Variants in B3GALT1 observed in about 807,000 individuals in gnomAD.
The protein encoded by B3GALT1 is UDP-Gal:betaGlcNAc beta 1,3-galactosyltransferase, polypeptide 1.
In B3GALT1, 10 loss-of-function variants were observed where a neutral mutation model predicts 23.2. The observed-to-expected ratio is 0.43, with a 90% CI of 0.27 to 0.73. The LOEUF (loss-of-function observed/expected upper bound fraction) is 0.73, where lower values mean the gene tolerates loss of function less well. B3GALT1 is among the 30% of genes least tolerant of loss of function. The pLI, the probability that B3GALT1 is intolerant of heterozygous loss-of-function variation, is 0.21. For synonymous variants in B3GALT1, 156 were observed against 141.5 expected (o/e 1.10, Z -0.73); for missense variants, 299 against 405.4 (o/e 0.74, Z 2.25).
At chr2:167,524,633 A>G (rs1300992127) in intron 2 of B3GALT1, among the ~76,000 whole-genome samples, 3 of 152,244 alleles carry the variant, frequency 2.0e-5, no homozygotes, top group African/African-American at 7.2e-5. Flanking sequence ...TGAACAATCT[A>G]CAAAATTCAC....
chr2:167,435,818 G>A (rs1360868346), intron 1 of B3GALT1, among the ~76,000 whole-genome samples: 1 of 152,040 alleles, frequency 6.6e-6, no homozygotes, highest in Non-Finnish European at 1.5e-5. Context: ...TGACATCCTT[G>A]TAAGTGATTC....
At chr2:167,629,068 T>C (rs1417017946) in intron 2 of B3GALT1, among the ~76,000 whole-genome samples, 1 of 151,652 alleles carries the variant, frequency 6.6e-6, no homozygotes, top group Non-Finnish European at 1.5e-5. Context: ...CTCTGAGTTA[T>C]ATTGTATAGC....
intron 3 of B3GALT1, among the ~76,000 whole-genome samples, chr2:167,710,628 A>C (rs1441737704): frequency 6.6e-6 from 1 of 152,216 alleles, no homozygotes. Context: ...ATCTACTGCA[A>C]TCCAGATGTT....
At chr2:167,562,847 G>T (rs1383406998) in intron 2 of B3GALT1, among the ~76,000 whole-genome samples, 7 of 151,848 alleles carry the variant, frequency 4.6e-5, no homozygotes, top group Admixed American at 4.6e-4. Flanking sequence ...GAGTGGTGAT[G>T]ACTCTTAAGG....
chr2:167,569,650 C>A (rs1684255100), intron 2 of B3GALT1, among the ~76,000 whole-genome samples: 2 of 151,804 alleles, frequency 1.3e-5, no homozygotes. Context: ...TATACTTTTT[C>A]TTTCCCTTTC....
intron 2 of B3GALT1, among the ~76,000 whole-genome samples, chr2:167,526,236 C>T (rs1292954051): frequency 6.6e-6 from 1 of 151,956 alleles, no homozygotes; most frequent in Admixed American, 6.6e-5. Context: ...TGTATCTATC[C>T]CTCTGTTTAT....
chr2:167,675,893 T>C (rs546545614), intron 3 of B3GALT1, among the ~76,000 whole-genome samples: 6 of 151,358 alleles, frequency 4.0e-5, no homozygotes, highest in African/African-American at 1.2e-4. Context: ...CTAGTATCCC[T>C]AGCCCCCACC....
At chr2:167,508,177 C>T (rs1048135157) in intron 2 of B3GALT1, among the ~76,000 whole-genome samples, 20 of 152,006 alleles carry the variant, frequency 1.3e-4, no homozygotes, top group African/African-American at 1.9e-4. Flanking sequence ...GAACTTTAGG[C>T]GGACATAATA....
chr2:167,548,593 G>A (rs543194467), intron 2 of B3GALT1, among the ~76,000 whole-genome samples: 1 of 152,208 alleles, frequency 6.6e-6, no homozygotes, highest in African/African-American at 2.4e-5. Flanking sequence ...AGGCAACAGT[G>A]AGAATGCAAG....
chr2:167,405,513 T>C (rs1381799418), intron 1 of B3GALT1, among the ~76,000 whole-genome samples: 1 of 152,080 alleles, frequency 6.6e-6, no homozygotes, highest in Non-Finnish European at 1.5e-5. Context: ...AGCTCAGAAA[T>C]TGAGGTGATA....
At chr2:167,472,320 G>A (rs1353265693) in intron 1 of B3GALT1, among the ~76,000 whole-genome samples, 1 of 152,088 alleles carries the variant, frequency 6.6e-6, no homozygotes, top group African/African-American at 2.4e-5. Context: ...AAGTGGAGGT[G>A]GGGGCTATTA....
At chr2:167,455,913 A>C (rs950031890) in intron 1 of B3GALT1, among the ~76,000 whole-genome samples, 13 of 152,198 alleles carry the variant, frequency 8.5e-5, no homozygotes, top group African/African-American at 2.9e-4. Flanking sequence ...CTTAAAAATG[A>C]GGCCCAACCA....
chr2:167,414,229 A>G (rs1698433908), intron 1 of B3GALT1, among the ~76,000 whole-genome samples: 1 of 152,152 alleles, frequency 6.6e-6, no homozygotes, highest in Admixed American at 6.5e-5. Context: ...CCTGAATACT[A>G]TTAGTGTCTT....
chr2:167,313,246 T>C, intron 1 of B3GALT1, among the ~76,000 whole-genome samples: 1 of 152,118 alleles, frequency 6.6e-6, no homozygotes, highest in East Asian at 1.9e-4. Context: ...TGTACATTTT[T>C]GCCTGGCTGT....
intron 1 of B3GALT1, among the ~76,000 whole-genome samples, chr2:167,404,073 C>T (rs1312808071): frequency 6.6e-6 from 1 of 151,966 alleles, no homozygotes. Flanking sequence ...AGCATGGCAC[C>T]AGCATCTGCT....
In B3GALT1 at chr2:167,559,569, C is replaced by G. The variant is rs1020702156; in HGVS notation, c.-410+69292C>G. On this transcript the variant is annotated intron_variant, in intron 2 of 4. Coordinates refer to ENST00000392690, the MANE Select transcript of B3GALT1 (RefSeq NM_020981.4). Reference sequence around the variant, plus strand: ...TTGAAAACTTTGAAAAAAATTTAGACGAATGTATAGCTGGAATAACCAATA... The same window carrying G: ...TTGAAAACTTTGAAAAAAATTTAGAGGAATGTATAGCTGGAATAACCAATA... 8.6e-4 allele frequency among the ~76,000 whole-genome samples: 131 copies of G among 152,134 alleles called. 3 individuals carry two copies. The highest frequency in any genetic ancestry group is 2.2e-4 in the Non-Finnish European group (15 of 68,022).
chr2:167,635,377 G>A (rs1332890404), intron 2 of B3GALT1, among the ~76,000 whole-genome samples: 1 of 152,022 alleles, frequency 6.6e-6, no homozygotes, highest in African/African-American at 2.4e-5. Context: ...AGGAAATAAA[G>A]CGTATTCAAA....
intron 3 of B3GALT1, among the ~76,000 whole-genome samples, chr2:167,698,201 C>T (rs1574218968): frequency 6.6e-6 from 1 of 152,254 alleles, no homozygotes; most frequent in Non-Finnish European, 1.5e-5. Flanking sequence ...TATTTTGAAA[C>T]ATCTTGGTCA....
intron 4 of B3GALT1, among the ~76,000 whole-genome samples, chr2:167,859,088 T>C (rs761044107): frequency 3.6e-4 from 55 of 152,176 alleles, no homozygotes; most frequent in Non-Finnish European, 5.9e-4. Flanking sequence ...TAGTAGGATG[T>C]CTTTCCTCTC....
Sources: allele counts gnomAD v4.1 joint callset (sites outside exome capture counted in the v4.1 genomes callset), GRCh38; gene constraint gnomAD v4.1.1; transcripts MANE v1.5; gene names NCBI Gene and HGNC (gene_info 2026-07-23, HGNC 2026-07-21).